HELB: variants seen among roughly 807,000 people sequenced by gnomAD.
HELB encodes DNA helicase B, also known as DNA 5'-3' helicase B.
In HELB, 96 loss-of-function variants were observed where a neutral mutation model predicts 101.7. The ratio of observed to expected loss-of-function variants is 0.94; its 90% confidence interval spans 0.80 to 1.12. The LOEUF (loss-of-function observed/expected upper bound fraction) is 1.12. Ranked by LOEUF, HELB falls within the 50% of genes most tolerant of loss-of-function variation. The pLI, the probability that HELB is intolerant of heterozygous loss-of-function variation, is 0.00. For synonymous variants in HELB, 437 were observed against 459.7 expected, an observed-to-expected ratio of 0.95 and a Z score of 0.63; for missense variants, 1,210 against 1,291.9, an observed-to-expected ratio of 0.94 and a Z score of 0.97.
At chr12:66,320,346 T>C (rs1185539736) in intron 7 of HELB, among the ~76,000 whole-genome samples, 1 of 152,204 alleles carries the variant, frequency 6.6e-6, no homozygotes, top group African/African-American at 2.4e-5. Flanking sequence ...CCTTATTATA[T>C]CCATATACAA....
chr12:66,303,399 G>C (rs1361288316), intron 1 of HELB, among the ~76,000 whole-genome samples: 1 of 152,080 alleles, frequency 6.6e-6, no homozygotes, highest in Non-Finnish European at 1.5e-5. Flanking sequence ...TGGATCACTT[G>C]AGGTCAGGAG....
At chr12:66,317,008 G>A in intron 6 of HELB, among the ~76,000 whole-genome samples, 1 of 112,468 alleles carries the variant, frequency 8.9e-6, no homozygotes, top group African/African-American at 3.6e-5. Flanking sequence ...GATACAGCAA[G>A]ACTCCATCTC....
chr12:66,324,650 G>GCCGTATCATTA, intron 10 of HELB: 1 of 291,896 alleles, frequency 3.4e-6, no homozygotes, highest in Non-Finnish European at 6.5e-6. Context: ...AAGCTGTGAG[G>GCCGTATCATTA]AAAAGTAAAC....
At chr12:66,337,773 G>C (rs1000941947) in intron 12 of HELB, among the ~76,000 whole-genome samples, 3 of 152,116 alleles carry the variant, frequency 2.0e-5, no homozygotes, top group African/African-American at 7.2e-5. Flanking sequence ...TCAGTACATA[G>C]TTACTTCTAA....
chr12:66,320,345 A>G (rs547745937), intron 7 of HELB, among the ~76,000 whole-genome samples: 6 of 152,322 alleles, frequency 3.9e-5, no homozygotes, highest in Admixed American at 2.0e-4. Context: ...ACCTTATTAT[A>G]TCCATATACA....
intron 6 of HELB, 32 bp from the exon 7 acceptor site, chr12:66,318,606 T>A (rs776578681): frequency 6.4e-7 from 1 of 1,565,276 alleles, no homozygotes; most frequent in Non-Finnish European, 8.6e-7. Flanking sequence ...GATGATAATG[T>A]TCTTTGTGTG....
rs1409830074 is a variant in HELB at position 66,310,263 on chromosome 12, G to T, written c.1335G>T (p.Leu445=). ...EINAEISEVQ[L]DQDQVEVPLD... ...ATGCAGAAATAAGTGAAGTTCAGCT[G>T]GATCAGGATCAGGTTGAAGTTCCAC... The change falls in exon 4 of 13, where the codon CTG becomes CTT. Residue 445 remains leucine, a synonymous_variant. Coordinates refer to ENST00000247815, the MANE Select transcript of HELB (RefSeq NM_001370285.1). 2 of 1,613,980 alleles carry T rather than the reference G, an allele frequency of 1.2e-6. No homozygotes were observed. The highest frequency in any genetic ancestry group is 1.7e-6 in the Non-Finnish European group (2 of 1,180,030).
intron 7 of HELB, among the ~76,000 whole-genome samples, chr12:66,319,031 G>T (rs1377947686): frequency 4.6e-5 from 7 of 152,120 alleles, no homozygotes; most frequent in Admixed American, 3.3e-4. Flanking sequence ...TTGAATAGAT[G>T]GATGTAGATG....
chr12:66,308,628 T>A lies in HELB; in HGVS notation c.778-1078T>A, dbSNP rs2053505782. Among the ~76,000 whole-genome samples the A allele has an allele frequency of 2.0e-5, 3 of 152,196 alleles. No homozygotes were observed. In the South Asian group the frequency reaches 6.2e-4, roughly 31 times the overall value. The stretch of plus-strand genomic sequence containing the variant: ...CAGGGTTGATTTCTTCCAAGGCTTC[T>A]CTCCTTGGCTTGTAGATGGTCATTA... On this transcript the variant is annotated intron_variant, in intron 3 of 12. Transcript: ENST00000247815.
intron 7 of HELB, among the ~76,000 whole-genome samples, chr12:66,319,019 G>C (rs2053641733): frequency 6.6e-6 from 1 of 152,138 alleles, no homozygotes; most frequent in East Asian, 1.9e-4. Context: ...AAATTTTGTT[G>C]ATTGAATAGA....
intron 2 of HELB, among the ~76,000 whole-genome samples, chr12:66,305,410 G>A (rs1424201270): frequency 1.3e-5 from 2 of 151,900 alleles, no homozygotes; most frequent in African/African-American, 4.8e-5. Flanking sequence ...TCTAACTTTT[G>A]TATTCACAGC....
At chr12:66,309,551 G>A (rs1400318946) in intron 3 of HELB, among the ~76,000 whole-genome samples, 155 bp from the exon 4 acceptor site, 1 of 151,946 alleles carries the variant, frequency 6.6e-6, no homozygotes, top group Non-Finnish European at 1.5e-5. Flanking sequence ...CTCTAATTAC[G>A]GTGCAGCCAG....
intron 4 of HELB, among the ~76,000 whole-genome samples, chr12:66,311,817 G>C (rs76326703): frequency 0.029 from 4,454 of 152,228 alleles, 240 homozygotes; most frequent in African/African-American, 0.1. Flanking sequence ...GGTTCCTCTA[G>C]CCCTAGCCCT....
At chr12:66,337,358 G>A (rs1359757166) in intron 12 of HELB, among the ~76,000 whole-genome samples, 2 of 152,130 alleles carry the variant, frequency 1.3e-5, no homozygotes, top group Admixed American at 6.5e-5. Flanking sequence ...ATCTCTTACA[G>A]AGGTCCTGGA....
In HELB at chr12:66,331,313, A is replaced by G; in HGVS notation, c.2830A>G (p.Lys944Glu). The change falls in exon 12 of 13, where the codon AAA becomes GAA. Residue 944 changes from lysine (K) to glutamate (E), a missense_variant. Coordinates refer to ENST00000247815, the MANE Select transcript of HELB (RefSeq NM_001370285.1). ...NAIMKNSFPR[K>E]TRLKHFLQSK... ...CATTATGAAAAACAGTTTTCCTAGA[A>G]AAACTCGTTTGAAACATTTCTTGCA... 1.2e-6 allele frequency: 2 copies of G among 1,614,178 alleles called. No individual in the cohort carries two copies. The highest frequency in any genetic ancestry group is 1.7e-6 in the Non-Finnish European group (2 of 1,180,036).
At position 66,309,981 on chromosome 12, in the gene HELB, C is replaced by T; in HGVS notation, c.1053C>T (p.Val351=). 2 of 1,614,190 alleles carry T rather than the reference C, an allele frequency of 1.2e-6. No individual in the cohort carries two copies. Among genetic ancestry groups the T allele is most frequent in the Non-Finnish European group, 1.7e-6 (2 of 1,180,034 alleles). The change falls in exon 4 of 13, where the codon GTC becomes GTT. Residue 351 remains valine, a synonymous_variant. Transcript: ENST00000247815. ...TGGTGACATATGAGAAGTCCTGTGT[C>T]TTCCCTTATGACCTTTACCATGCTG... ...IGVVTYEKSC[V]FPYDLYHAER... is the part of the protein sequence containing the mutation.
chr12:66,326,400 G>T (rs1300232284), intron 11 of HELB, among the ~76,000 whole-genome samples: 1 of 151,862 alleles, frequency 6.6e-6, no homozygotes, highest in African/African-American at 2.4e-5. Flanking sequence ...ATGCCACCAC[G>T]CCTGGCTAAT....
chr12:66,325,983 A>G (rs1178162052), intron 11 of HELB, among the ~76,000 whole-genome samples: 2 of 152,204 alleles, frequency 1.3e-5, no homozygotes, highest in Non-Finnish European at 2.9e-5. Flanking sequence ...TTTTATAACT[A>G]TGGCATATTT....
Position 66,310,533 on chromosome 12 carries a change from G to T in HELB, c.1605G>T (p.Leu535Phe). 6.2e-7 allele frequency: 1 copy of T among 1,614,216 alleles called. No individual in the cohort carries two copies. The highest frequency in any genetic ancestry group is 1.1e-5 in the South Asian group (1 of 91,090). ...QLEADKAIEVLLTAPTGKAAG... is the reference protein window; with the variant it reads ...QLEADKAIEVFLTAPTGKAAG... Reference sequence around the variant, plus strand: ...AGGCGGACAAGGCTATAGAAGTTTTGCTCACAGCACCTACAGGGAAAGCAG... The same window carrying T: ...AGGCGGACAAGGCTATAGAAGTTTTTCTCACAGCACCTACAGGGAAAGCAG... The change falls in exon 4 of 13, where the codon TTG becomes TTT. Residue 535 changes from leucine (L) to phenylalanine (F), a missense_variant. Around this residue, in one of 2 missense-constraint regions of HELB, gnomAD observed 740 missense variants for 728.8 expected, o/e 1.02. Transcript: ENST00000247815.
Sources: gnomAD v4.1 joint callset for allele counts (sites outside exome capture counted in the v4.1 genomes callset) on GRCh38, gnomAD v4.1.1 for gene constraint, gnomAD v4.1.1 regional missense constraint, MANE v1.5 for transcripts, NCBI Gene and HGNC (gene_info 2026-07-23, HGNC 2026-07-21) for gene names.